The following LDB1 variants were observed in gnomAD, a reference collection of about 807,000 sequenced individuals.
LDB1 encodes the protein LIM domain-binding protein 1.
In LDB1, 6 loss-of-function variants were observed where a neutral mutation model predicts 49.7. That is an observed-to-expected ratio of 0.12 (90% CI 0.07 to 0.24). The LOEUF is 0.24. Ranked by LOEUF, LDB1 falls within the 10% of genes least tolerant of loss-of-function variation. The probability of loss-of-function intolerance (pLI) is 1.00; values close to 1 mark genes in which losing one functional copy is unlikely to be tolerated. For synonymous variants in LDB1, 233 were observed against 202.0 expected (o/e 1.15, Z -1.30); for missense variants, 341 against 561.7 (o/e 0.61, Z 3.97).
At chr10:102,108,405 T>A (rs929966576) in intron 10 of LDB1, 82 bp from the exon 11 acceptor site, 32 of 1,077,684 alleles carry the variant, frequency 3.0e-5, no homozygotes, top group Non-Finnish European at 4.1e-5. Flanking sequence ...AGAGCCCCAG[T>A]ACCCACCCTG....
chr10:102,120,381 G>A, upstream of LDB1: 1 of 984,532 alleles, frequency 1.0e-6, no homozygotes, highest in Non-Finnish European at 1.2e-6. Flanking sequence ...CCGTGTGTGC[G>A]TGTGTGCGCG....
intron 5 of LDB1, 65 bp downstream of exon 5, chr10:102,110,804 C>A (rs867862741): frequency 1.3e-6 from 2 of 1,582,940 alleles, no homozygotes. Flanking sequence ...CCCAGACCCA[C>A]TTCTAGACCT....
intron 1 of LDB1, chr10:102,114,867 C>T: frequency 1.0e-6 from 1 of 970,136 alleles, no homozygotes; most frequent in African/African-American, 1.8e-5. Context: ...CCAGGAGAGG[C>T]AGGACCCGGC....
chr10:102,119,834 A>G (rs1290250694), intron 1 of LDB1, among the ~76,000 whole-genome samples: 2 of 143,094 alleles, frequency 1.4e-5, no homozygotes, highest in Non-Finnish European at 3.1e-5. Flanking sequence ...CCTCTCCCCA[A>G]TTAGCCTACC....
chr10:102,110,669 G>A lies in LDB1; in HGVS notation c.385C>T (p.Arg129Cys), dbSNP rs751862555. Reference protein sequence around the residue: ...IGRTLIPRYFRSIFEGGATEL... With the variant: ...IGRTLIPRYFCSIFEGGATEL... ...GTAGCACCCCCCTCAAAGATGCTGC[G>A]GAAGTAGCGTGGGATCAGGGTCCGG... Residue 129 changes from arginine (R) to cysteine (C), a missense_variant, in exon 6 of 11, where the codon CGC (arginine) becomes TGC (cysteine). Around this residue, in one of 5 missense-constraint regions of LDB1, gnomAD observed 233 missense variants for 385.7 expected, o/e 0.60. Transcript: ENST00000673968. 13 of 1,613,788 alleles carry A rather than the reference G, an allele frequency of 8.1e-6. No individual in the cohort carries two copies. Among genetic ancestry groups the A allele is most frequent in the Non-Finnish European group, 1.0e-5 (12 of 1,179,810 alleles).
In LDB1 at chr10:102,110,002, G is replaced by A. The variant is rs746302804; in HGVS notation, c.567C>T (p.Asp189=). ...GCCACGTCTTTATCCGCATCATGTCGTCAAACATGAACTCCAGGTACAACC... is the reference window on the plus strand; with the variant it reads ...GCCACGTCTTTATCCGCATCATGTCATCAAACATGAACTCCAGGTACAACC... The part of the protein sequence containing the change: ...EGRLYLEFMF[D]DMMRIKTWHF... The change falls in exon 7 of 11, where the codon GAC becomes GAT. Residue 189 remains aspartate (D), a synonymous_variant. Transcript: ENST00000673968. 1.1e-5 allele frequency: 18 copies of A among 1,613,160 alleles called. No homozygotes were observed. The highest frequency in any genetic ancestry group is 2.2e-5 in the South Asian group (2 of 91,034).
rs1454640306 is a variant in LDB1 at position 102,117,030 on chromosome 10, C to T, written c.25+3056G>A. ...TGGGCTGGGGGGTGGGGGGGTTGAA[C>T]CCTGCACTTCTAAACCCACCAGATA... On this transcript the variant is annotated intron_variant, in intron 1 of 10. Coordinates refer to ENST00000673968, the MANE Select transcript of LDB1 (RefSeq NM_001113407.3). This position sits in a 1 kb window ranked among gnomAD's most constrained non-coding sequence, Gnocchi z 4.2. Among the ~76,000 whole-genome samples, 1 of 151,958 alleles carries T rather than the reference C, an allele frequency of 6.6e-6. No homozygotes were observed. The highest frequency in any genetic ancestry group is 1.5e-5 in the Non-Finnish European group (1 of 67,980).
In LDB1 at chr10:102,110,634, G is replaced by A. The variant is rs1199132540; in HGVS notation, c.420C>T (p.Tyr140=). The change falls in exon 6 of 11, where the codon TAC becomes TAT. Residue 140 remains tyrosine (Y), a synonymous_variant. Coordinates refer to ENST00000673968, the MANE Select transcript of LDB1 (RefSeq NM_001113407.3). ...SIFEGGATEL[Y]YVLKHPKEAF... ...CCTCCTTGGGGTGCTTAAGAACATAGTACAGCTCCGTAGCACCCCCCTCAA... is the reference window on the plus strand; with the variant it reads ...CCTCCTTGGGGTGCTTAAGAACATAATACAGCTCCGTAGCACCCCCCTCAA... 5.0e-6 allele frequency: 8 copies of A among 1,614,012 alleles called. No individual in the cohort carries two copies. The Admixed American group carries it at 8.3e-5, about 17-fold the overall frequency.
intron 1 of LDB1, among the ~76,000 whole-genome samples, chr10:102,115,842 G>A (rs564953007): frequency 2.0e-5 from 3 of 152,092 alleles, no homozygotes; most frequent in Admixed American, 6.6e-5. Context: ...GTAGCAGGAG[G>A]GAATATTTCT....
chr10:102,111,172 T>C (rs377253466), intron 3 of LDB1, 28 bp from the exon 4 acceptor site: 10 of 1,611,624 alleles, frequency 6.2e-6, no homozygotes, highest in Non-Finnish European at 6.8e-6. Flanking sequence ...GAGAGGTCAG[T>C]AGGAGCGGAG....
At chr10:102,120,424 CG>C (rs1175867619), upstream of LDB1, 14 of 981,204 alleles carry the variant, frequency 1.4e-5, no homozygotes, top group Non-Finnish European at 1.6e-5. Flanking sequence ...CTCCCGCCGC[CG>C]TCGCCGAGCG....
At chr10:102,118,278 T>C (rs2068358736) in intron 1 of LDB1, among the ~76,000 whole-genome samples, 1 of 152,098 alleles carries the variant, frequency 6.6e-6, no homozygotes, top group Non-Finnish European at 1.5e-5. Context: ...ATCCACCCTC[T>C]TTGGCATCAA....
downstream of LDB1, among the ~76,000 whole-genome samples, chr10:102,102,462 C>T (rs1374289792): frequency 6.6e-6 from 1 of 152,196 alleles, no homozygotes; most frequent in East Asian, 1.9e-4. Context: ...CTAGGTCCTC[C>T]TCTTGTAGAG....
At chr10:102,116,599 C>T (rs1192717737) in intron 1 of LDB1, among the ~76,000 whole-genome samples, 1 of 152,154 alleles carries the variant, frequency 6.6e-6, no homozygotes, top group Non-Finnish European at 1.5e-5. Context: ...TCAATACACA[C>T]ACCAAAACTG....
chr10:102,114,810 C>CCGGGG, intron 1 of LDB1: 1 of 963,284 alleles, frequency 1.0e-6, no homozygotes, highest in Non-Finnish European at 1.2e-6. Context: ...TGCCTCCGAG[C>CCGGGG]AGCCCGCCCG....
Position 102,107,882 on chromosome 10 carries a change from C to G in LDB1, c.*211G>C, listed in dbSNP as rs999968495. On this transcript the variant is annotated 3_prime_UTR_variant, in exon 11 of 11. Transcript: ENST00000673968. ...GCATCCACATGAGTACCCCCTCCCC[C>G]TAAAAGGCTCTGTAGAGGCCAGGCC... 6 of 598,092 alleles carry G rather than the reference C, an allele frequency of 1.0e-5. No homozygotes were observed. The highest frequency in any genetic ancestry group is 1.8e-5 in the Non-Finnish European group (6 of 335,376). The allele number at this position is 598,092 out of a possible 1,614,324, so 37.0% of individuals were successfully genotyped here.
chr10:102,111,400 G>C, intron 2 of LDB1, 34 bp downstream of exon 2: 1 of 1,593,812 alleles, frequency 6.3e-7, no homozygotes, highest in Non-Finnish European at 8.6e-7. Flanking sequence ...CCCACCTGGA[G>C]AAGGGTTAGG....
downstream of LDB1, among the ~76,000 whole-genome samples, chr10:102,102,961 GCA>G (rs958352082): frequency 6.6e-6 from 1 of 152,030 alleles, no homozygotes; most frequent in African/African-American, 2.4e-5. Flanking sequence ...AACTATATGG[GCA>G]CAGTCCCACT....
chr10:102,111,195 A>T, intron 3 of LDB1, 51 bp from the exon 4 acceptor site: 1 of 1,610,142 alleles, frequency 6.2e-7, no homozygotes, highest in South Asian at 1.1e-5. Context: ...TGCCCCCTCC[A>T]CCCCCTACCT....
Sources: allele counts gnomAD v4.1 joint callset (sites outside exome capture counted in the v4.1 genomes callset), GRCh38; gene constraint gnomAD v4.1.1; regional missense constraint gnomAD v4.1.1; non-coding constraint Gnocchi (gnomAD v3.1); transcripts MANE v1.5; gene names NCBI Gene and HGNC (gene_info 2026-07-23, HGNC 2026-07-21).